The following MAP6 variants were observed in gnomAD, a reference collection of about 807,000 sequenced individuals.
MAP6 encodes the protein microtubule-associated protein 6.
In MAP6, 26 loss-of-function variants were observed where a neutral mutation model predicts 42.4. The ratio of observed to expected loss-of-function variants is 0.61; its 90% CI spans 0.45 to 0.85. The LOEUF is 0.85. Among genes scored for constraint, MAP6 ranks in the 40% least tolerant of loss-of-function variants. The pLI is 0.00. For missense variants in MAP6, 966 were observed against 1,099.0 expected (o/e 0.88, Z 1.71); for synonymous variants, 418 against 443.8 (o/e 0.94, Z 0.73).
chr11:75,641,021 A>G (rs1943460092), intron 1 of MAP6, among the ~76,000 whole-genome samples: 1 of 152,200 alleles, frequency 6.6e-6, no homozygotes, highest in Non-Finnish European at 1.5e-5. Context: ...GCTGCTATAA[A>G]GACACATGCA....
intron 1 of MAP6, chr11:75,642,630 G>A (rs1318300479): frequency 5.4e-6 from 1 of 186,304 alleles, no homozygotes; most frequent in African/African-American, 2.3e-5. Flanking sequence ...ATCATTGTTT[G>A]GAAACCTTGC....
Position 75,656,525 on chromosome 11 carries a change from C to T in MAP6, c.905+10940G>A, listed in dbSNP as rs921681985. Among the ~76,000 whole-genome samples, 5 of 152,326 alleles carry T rather than the reference C, an allele frequency of 3.3e-5. No individual in the cohort carries two copies. In the East Asian group the frequency reaches 7.7e-4, roughly 23 times the overall value. On this transcript the variant is annotated intron_variant, in intron 1 of 3. Transcript: ENST00000304771. ...GGTTGAGACCACAGTGAGGCCTATG[C>T]TCCTGCTCTCTTTTGGACAGGAGAG... is the stretch of plus-strand genomic sequence containing the variant.
At chr11:75,628,445 C>G (rs367906429) in intron 1 of MAP6, among the ~76,000 whole-genome samples, 13 of 152,186 alleles carry the variant, frequency 8.5e-5, no homozygotes, top group Non-Finnish European at 1.9e-4. Flanking sequence ...CATGGCCACA[C>G]GGGTCCAAGC....
chr11:75,610,575 A>G (rs75801329), intron 1 of MAP6, among the ~76,000 whole-genome samples: 396 of 152,348 alleles, frequency 2.6e-3, no homozygotes, highest in African/African-American at 9.3e-3. Context: ...TGTTAAGGGG[A>G]CAGTCTCCAC....
At chr11:75,659,375 G>A (rs533263205) in intron 1 of MAP6, among the ~76,000 whole-genome samples, 2 of 152,220 alleles carry the variant, frequency 1.3e-5, no homozygotes, top group Admixed American at 1.3e-4. Flanking sequence ...CCAGCTACTC[G>A]GAAGGCTGAG....
At chr11:75,591,399 G>A (rs745470103) in intron 3 of MAP6, among the ~76,000 whole-genome samples, 4 of 152,214 alleles carry the variant, frequency 2.6e-5, no homozygotes, top group Non-Finnish European at 5.9e-5. Flanking sequence ...CTGCACGCAA[G>A]GGCACCGTGA....
intron 1 of MAP6, among the ~76,000 whole-genome samples, 194 bp from the exon 2 acceptor site, chr11:75,608,516 G>T (rs535332110): frequency 6.6e-6 from 1 of 152,306 alleles, no homozygotes; most frequent in African/African-American, 2.4e-5. Context: ...ACCCAGGTTG[G>T]GTTGTGGCAA....
intron 1 of MAP6, among the ~76,000 whole-genome samples, chr11:75,654,722 G>A (rs1341826911): frequency 6.6e-6 from 1 of 152,194 alleles, no homozygotes; most frequent in African/African-American, 2.4e-5. Flanking sequence ...TTACTATGAT[G>A]AGTATGCACT....
chr11:75,614,692 C>T (rs1348171751), intron 1 of MAP6, among the ~76,000 whole-genome samples: 1 of 152,248 alleles, frequency 6.6e-6, no homozygotes, highest in African/African-American at 2.4e-5. Flanking sequence ...TCCTGGATTA[C>T]TGACCCTCAG....
chr11:75,644,946 G>C (rs1943531333), intron 1 of MAP6, among the ~76,000 whole-genome samples: 1 of 152,160 alleles, frequency 6.6e-6, no homozygotes, highest in South Asian at 2.1e-4. Flanking sequence ...AATCAGAGCA[G>C]TAAAGGCAGC....
Position 75,605,954 on chromosome 11 carries a change from G to C in MAP6, c.1170C>G (p.Ser390Arg), listed in dbSNP as rs200438913. 6.2e-7 allele frequency: 1 copy of C among 1,614,104 alleles called. No individual in the cohort carries two copies. The highest frequency in any genetic ancestry group is 2.2e-5 in the East Asian group (1 of 44,874). ...CTTTGGCCTTCCTCGTGGGCTTATG[G>C]CTCGCTGAGGTCTTTTTTGGTTTGG... Reference protein sequence around the residue: ...QSSKPKKTSASHKPTRKAKDK... With the variant: ...QSSKPKKTSARHKPTRKAKDK... Residue 390 changes from serine (S) to arginine (R), a missense_variant, in exon 3 of 4, where the codon AGC becomes AGG. Around this residue, in one of 2 missense-constraint regions of MAP6, gnomAD observed 943 missense variants for 1,049.9 expected, o/e 0.90. Coordinates refer to ENST00000304771, the MANE Select transcript of MAP6 (RefSeq NM_033063.2).
chr11:75,617,526 A>C (rs1314146162), intron 1 of MAP6, among the ~76,000 whole-genome samples: 4 of 149,850 alleles, frequency 2.7e-5, no homozygotes, highest in Admixed American at 2.0e-4. Flanking sequence ...AAAAAAAAAA[A>C]AAAAAAAAAA....
chr11:75,639,715 T>C (rs1943431040), intron 1 of MAP6, among the ~76,000 whole-genome samples: 1 of 152,184 alleles, frequency 6.6e-6, no homozygotes, highest in African/African-American at 2.4e-5. Flanking sequence ...TGACCCAACA[T>C]TACAATTAAA....
chr11:75,624,554 C>T (rs1216276231), intron 1 of MAP6, among the ~76,000 whole-genome samples: 1 of 152,156 alleles, frequency 6.6e-6, no homozygotes, highest in Non-Finnish European at 1.5e-5. Context: ...ATCTCAAGCT[C>T]CACGAGCTGC....
At chr11:75,608,949 G>A (rs1313372462) in intron 1 of MAP6, among the ~76,000 whole-genome samples, 1 of 152,186 alleles carries the variant, frequency 6.6e-6, no homozygotes, top group South Asian at 2.1e-4. Flanking sequence ...TTTGCAGATC[G>A]TTAGTAAGCA....
chr11:75,588,297 T>C (rs1942403818), intron 3 of MAP6, 113 bp from the exon 4 acceptor site: 1 of 861,732 alleles, frequency 1.2e-6, no homozygotes, highest in Non-Finnish European at 1.7e-6. Context: ...GGGCAGCTCT[T>C]GCTGGAGAGC....
At chr11:75,657,172 A>G (rs1481355774) in intron 1 of MAP6, among the ~76,000 whole-genome samples, 1 of 147,158 alleles carries the variant, frequency 6.8e-6, no homozygotes, top group East Asian at 2.0e-4. Context: ...GTGCAGTGGC[A>G]CGATCTTGGT....
chr11:75,637,308 C>G (rs1375332294), intron 1 of MAP6, among the ~76,000 whole-genome samples: 1 of 152,212 alleles, frequency 6.6e-6, no homozygotes, highest in Non-Finnish European at 1.5e-5. Context: ...TCCTTTCAAT[C>G]ATGCAAGAAA....
intron 2 of MAP6, among the ~76,000 whole-genome samples, chr11:75,606,756 C>G (rs775800312): frequency 3.9e-5 from 6 of 152,180 alleles, no homozygotes; most frequent in Non-Finnish European, 5.9e-5. Flanking sequence ...CTGGCTCCTC[C>G]ACCATTTTCC....
Sources: allele counts gnomAD v4.1 joint callset (sites outside exome capture counted in the v4.1 genomes callset), GRCh38; gene constraint gnomAD v4.1.1; regional missense constraint gnomAD v4.1.1; transcripts MANE v1.5; gene names NCBI Gene and HGNC (gene_info 2026-07-23, HGNC 2026-07-21).